The following ZNF540 variants were observed in gnomAD, a reference collection of about 807,000 sequenced individuals.
ZNF540 encodes CTD-3064H18.6.
In ZNF540, 3 loss-of-function variants were observed where a neutral mutation model predicts 11.8. The ratio of observed to expected loss-of-function variants is 0.25; its 90% CI spans 0.12 to 0.65. The LOEUF is 0.65. Ranked by LOEUF, ZNF540 falls within the 30% of genes least tolerant of loss-of-function variation. ZNF540 has a pLI of 0.83. For synonymous variants in ZNF540, 247 were observed against 259.0 expected (o/e 0.95, Z 0.45); for missense variants, 709 against 793.1 (o/e 0.89, Z 1.27).
In ZNF540 at chr19:37,565,002, A is replaced by G; in HGVS notation, c.-73+13337A>G. 3.7e-6 allele frequency: 6 copies of G among 1,613,924 alleles called. No homozygotes were observed. The highest frequency in any genetic ancestry group is 1.3e-5 in the African/African-American group (1 of 75,016). The stretch of plus-strand genomic sequence containing the variant: ...ACAAAGGTCTTCCCACATTCCTTAC[A>G]TTCATAATGTTTCTCACCATGAATT... On this transcript the variant is annotated intron_variant, in intron 1 of 4. Coordinates refer to the ZNF540 transcript ENST00000592533.
In ZNF540 at chr19:37,611,569, A is replaced by G. The variant is rs2044128749; in HGVS notation, c.289A>G (p.Ile97Val). The change falls in exon 5 of 5, where the codon ATC (isoleucine) becomes GTC (valine). Residue 97 changes from isoleucine (I) to valine (V), a missense_variant. Transcript: ENST00000316433. Reference sequence around the variant, plus strand: ...ATCTTCAGAAAAGGACATTCATGAAATCAGTTTATCCAAAGAGAGTATAAT... The same window carrying G: ...ATCTTCAGAAAAGGACATTCATGAAGTCAGTTTATCCAAAGAGAGTATAAT... The part of the protein sequence containing the change: ...KLSSEKDIHE[I>V]SLSKESIIEK... 1 of 1,610,098 alleles carries G rather than the reference A, an allele frequency of 6.2e-7. No homozygotes were observed. The highest frequency in any genetic ancestry group is 1.7e-5 in the Admixed American group (1 of 59,438).
chr19:37,592,792 A>G (rs1353567807), upstream of ZNF540, among the ~76,000 whole-genome samples: 3 of 152,376 alleles, frequency 2.0e-5, no homozygotes, highest in East Asian at 5.8e-4. Context: ...AAAACAAATT[A>G]TAAGACAGTA....
At chr19:37,575,984 G>A (rs936195345) in intron 1 of ZNF540, among the ~76,000 whole-genome samples, 1 of 151,826 alleles carries the variant, frequency 6.6e-6, no homozygotes, top group Non-Finnish European at 1.5e-5. Context: ...TTTTATTCTT[G>A]CCAAACTTCA....
At chr19:37,563,504 T>TAC (rs1055762723) in intron 1 of ZNF540, 9 of 151,996 alleles carry the variant, frequency 5.9e-5, no homozygotes, top group African/African-American at 2.2e-4. Context: ...ATATATTTTA[T>TAC]ACACACACAC....
intron 4 of ZNF540, among the ~76,000 whole-genome samples, chr19:37,606,691 T>C (rs2044088231): frequency 2.0e-5 from 3 of 152,210 alleles, no homozygotes; most frequent in African/African-American, 4.8e-5. Context: ...ACATCTTTGG[T>C]GGAAAGACTG....
chr19:37,594,749 C>G (rs2043968943), upstream of ZNF540: 2 of 152,238 alleles, frequency 1.3e-5, no homozygotes, highest in African/African-American at 2.4e-5. Flanking sequence ...ACCTGGCCGG[C>G]GCAGACAAGC....
intron 1 of ZNF540, among the ~76,000 whole-genome samples, chr19:37,582,425 C>T (rs182634974): frequency 6.6e-6 from 1 of 152,316 alleles, no homozygotes; most frequent in East Asian, 1.9e-4. Flanking sequence ...GGTTAGTCCT[C>T]AATTTCCTTT....
chr19:37,556,009 G>A (rs1352421108), intron 1 of ZNF540: 4 of 701,928 alleles, frequency 5.7e-6, no homozygotes, highest in Admixed American at 2.0e-5. Flanking sequence ...CCAGGACAGA[G>A]GTAAAAGTCA....
chr19:37,607,704 C>G (rs2044095790), intron 4 of ZNF540, among the ~76,000 whole-genome samples: 1 of 152,164 alleles, frequency 6.6e-6, no homozygotes, highest in Admixed American at 6.5e-5. Context: ...CTTAATCATT[C>G]ACCTACTAAA....
At chr19:37,593,025 T>C (rs111572899), upstream of ZNF540, among the ~76,000 whole-genome samples, 484 of 152,240 alleles carry the variant, frequency 3.2e-3, 2 homozygotes, top group African/African-American at 0.011. Context: ...TTTGAAATAA[T>C]TGGGAAAATC....
At chr19:37,574,599 A>G (rs539266211) in intron 1 of ZNF540, among the ~76,000 whole-genome samples, 22 of 152,298 alleles carry the variant, frequency 1.4e-4, no homozygotes, top group African/African-American at 4.8e-4. Flanking sequence ...AAATTTTCCA[A>G]CCTTCTAGGT....
intron 1 of ZNF540, chr19:37,575,774 T>C (rs994795218): frequency 2.0e-5 from 3 of 152,200 alleles, no homozygotes; most frequent in African/African-American, 4.8e-5. Context: ...TGATCCAACA[T>C]GGCTGTCACG....
chr19:37,568,046 A>G (rs558819646), intron 1 of ZNF540, among the ~76,000 whole-genome samples: 10 of 152,212 alleles, frequency 6.6e-5, no homozygotes, highest in Admixed American at 2.0e-4. Context: ...TTTACACAAT[A>G]AAGATCTTAT....
At chr19:37,564,888 CATAA>C (rs1359462157) in intron 1 of ZNF540, 3 of 1,614,000 alleles carry the variant, frequency 1.9e-6, no homozygotes, top group South Asian at 1.1e-5. Context: ...AGTTGTGAGC[CATAA>C]ATAAAGGCCT....
upstream of ZNF540, among the ~76,000 whole-genome samples, chr19:37,593,322 C>A (rs962411898): frequency 1.3e-5 from 2 of 152,102 alleles, no homozygotes; most frequent in South Asian, 4.1e-4. Context: ...TCGTATTATT[C>A]TTTAGCCTGC....
At chr19:37,564,668 G>T in intron 1 of ZNF540, 2 of 1,613,046 alleles carry the variant, frequency 1.2e-6, no homozygotes, top group Non-Finnish European at 1.7e-6. Context: ...CTGGACACAT[G>T]TATAGGGTTT....
At position 37,612,653 on chromosome 19, in the gene ZNF540, A is replaced by G. The variant is rs1044537030; in HGVS notation, c.1373A>G (p.Gln458Arg). 6.2e-7 allele frequency: 1 copy of G among 1,614,006 alleles called. No individual in the cohort carries two copies. Among genetic ancestry groups the G allele is most frequent in the African/African-American group, 1.3e-5 (1 of 74,922 alleles). Residue 458 changes from glutamine (Q) to arginine (R), a missense_variant, in exon 5 of 5, where the codon CAG becomes CGG. Transcript: ENST00000316433. ...FMLRSVLTEH[Q>R]RLHTGVKPYE... ...CTTCGTTCAGTCCTTACTGAACATCAGAGACTTCATACTGGTGTGAAGCCC... is the reference window on the plus strand; with the variant it reads ...CTTCGTTCAGTCCTTACTGAACATCGGAGACTTCATACTGGTGTGAAGCCC...
intron 2 of ZNF540, among the ~76,000 whole-genome samples, 166 bp downstream of exon 2, chr19:37,598,622 A>C (rs2147224834): frequency 6.6e-6 from 1 of 152,210 alleles, no homozygotes; most frequent in East Asian, 1.9e-4. Flanking sequence ...CCACATGCAC[A>C]TTGACCAACT....
At chr19:37,592,286 A>AG (rs1332862627), upstream of ZNF540, among the ~76,000 whole-genome samples, 1 of 152,188 alleles carries the variant, frequency 6.6e-6, no homozygotes, top group African/African-American at 2.4e-5. Context: ...ATCAATCATA[A>AG]GTGGACGTTA....
Sources: gnomAD v4.1 joint callset for allele counts (sites outside exome capture counted in the v4.1 genomes callset) on GRCh38, gnomAD v4.1.1 for gene constraint, MANE v1.5 for transcripts, NCBI Gene and HGNC (gene_info 2026-07-23, HGNC 2026-07-21) for gene names.